PCBP3: variants seen among roughly 807,000 people sequenced by gnomAD.
PCBP3 encodes poly(rC)-binding protein 3.
PCBP3 carries 25 observed loss-of-function variants against 52.7 expected under a neutral mutation model. The ratio of observed to expected loss-of-function variants is 0.47; its 90% confidence interval spans 0.35 to 0.66. PCBP3 has a LOEUF of 0.66. PCBP3 is among the 30% of genes least tolerant of loss of function. The pLI is 0.01. For synonymous variants in PCBP3, 162 were observed against 183.0 expected, an observed-to-expected ratio of 0.89 and a Z score of 0.93; for missense variants, 391 against 490.3, an observed-to-expected ratio of 0.80 and a Z score of 1.91.
intron 1 of PCBP3, 90 bp from the exon 2 acceptor site, chr21:45,668,784 A>G (rs11911413): frequency 0.84 from 128,257 of 152,168 alleles, 54,635 homozygotes; most frequent in African/African-American, 0.96. Flanking sequence ...TTCTTACTTT[A>G]CTATTTTCAC....
chr21:45,669,801 GTGTGTATATATATATATA>G lies in PCBP3; in HGVS notation c.-200+851_-200+868del, dbSNP rs1243645817. On this transcript the variant is annotated intron_variant, in intron 2 of 17. Transcript: ENST00000681687. ...ATAATATTCCATTGTGTGTGTGTGT[GTGTGTATATATATATATA>G]TATATATATATATATATATATATAT... Among the ~76,000 whole-genome samples, 458 of 69,054 alleles carry G rather than the reference GTGTGTATATATATATATA, an allele frequency of 6.6e-3. 7 individuals are homozygous for G. Among genetic ancestry groups the G allele is most frequent in the African/African-American group, 0.025 (431 of 17,162 alleles). 45.3% of individuals were successfully genotyped at this position (69,054 alleles called of 152,430 possible).
chr21:45,802,517 G>T lies in PCBP3; in HGVS notation c.-126+47065G>T, dbSNP rs977716540. Among the ~76,000 whole-genome samples the T allele has an allele frequency of 6.6e-6, 1 of 152,216 alleles. No individual in the cohort carries two copies. On this transcript the variant is annotated intron_variant, in intron 4 of 17. Coordinates refer to ENST00000681687, the MANE Select transcript of PCBP3 (RefSeq NM_001384156.1). This position sits in a 1 kb window ranked among gnomAD's most constrained non-coding sequence, Gnocchi z 5.1. ...TGGCCCAGAGGGCTCTGCAGAGACG[G>T]CTCTGAGAGCAAAAGTGAGCCATGC...
chr21:45,671,271 C>T (rs138376991), intron 2 of PCBP3, among the ~76,000 whole-genome samples: 9 of 152,302 alleles, frequency 5.9e-5, no homozygotes, highest in Non-Finnish European at 1.0e-4. Flanking sequence ...CTCATCTCTC[C>T]AGGGACACAA....
At chr21:45,894,255 G>A (rs1393029097) in intron 5 of PCBP3, among the ~76,000 whole-genome samples, 1 of 152,198 alleles carries the variant, frequency 6.6e-6, no homozygotes, top group Non-Finnish European at 1.5e-5. Flanking sequence ...CTGACAGCCT[G>A]GAGCCCCAAG....
At chr21:45,892,917 A>C (rs1456549981) in intron 5 of PCBP3, among the ~76,000 whole-genome samples, 1 of 152,140 alleles carries the variant, frequency 6.6e-6, no homozygotes, top group Non-Finnish European at 1.5e-5. Context: ...TGTGAGCTGG[A>C]AATCAGCGCA....
chr21:45,929,958 C>G lies in PCBP3; in HGVS notation c.759C>G (p.Pro253=). Residue 253 remains proline, a synonymous_variant, in exon 14 of 18, where the codon CCC becomes CCG. Transcript: ENST00000681687. ...ACCAGTTGGCCATGCAGCAAACCCC[C>G]TTTCCTCCCCTCGGACAGACCAACC... The part of the protein sequence containing the change: ...KLHQLAMQQT[P]FPPLGQTNPA... 1 of 1,613,920 alleles carries G rather than the reference C, an allele frequency of 6.2e-7. No individual in the cohort carries two copies. The highest frequency in any genetic ancestry group is 8.5e-7 in the Non-Finnish European group (1 of 1,179,954).
Position 45,940,083 on chromosome 21 carries a change from G to A in PCBP3, c.963G>A (p.Gln321=). The change falls in exon 17 of 18, where the codon CAG becomes CAA. Residue 321 remains glutamine, a synonymous_variant. Transcript: ENST00000681687. ...GGACCAAAATCAATGAAATTCGACA[G>A]ATGTCTGGAGCTCAGATCAAAATCG... ...RQGTKINEIR[Q]MSGAQIKIAN... is the part of the protein sequence containing the mutation. 4 of 1,614,178 alleles carry A rather than the reference G, an allele frequency of 2.5e-6. No individual in the cohort carries two copies. The highest frequency in any genetic ancestry group is 3.4e-6 in the Non-Finnish European group (4 of 1,179,998).
intron 4 of PCBP3, chr21:45,836,490 G>T (rs572896232): frequency 6.6e-6 from 1 of 151,424 alleles, no homozygotes; most frequent in African/African-American, 2.4e-5. Context: ...TGTAAGTGCT[G>T]CCTGGTCTGG....
At chr21:45,931,226 G>A (rs2076134175) in intron 15 of PCBP3, among the ~76,000 whole-genome samples, 1 of 152,258 alleles carries the variant, frequency 6.6e-6, no homozygotes, top group African/African-American at 2.4e-5. Flanking sequence ...CAGATACTGT[G>A]GGGTAGCACA....
At chr21:45,869,784 C>T (rs1224495971) in intron 5 of PCBP3, among the ~76,000 whole-genome samples, 1 of 152,240 alleles carries the variant, frequency 6.6e-6, no homozygotes, top group Non-Finnish European at 1.5e-5. Context: ...CATGCCACCA[C>T]ACCTGGCACC....
At chr21:45,826,893 C>T (rs1490145292) in intron 4 of PCBP3, among the ~76,000 whole-genome samples, 1 of 152,196 alleles carries the variant, frequency 6.6e-6, no homozygotes. Context: ...AAAACTGTGG[C>T]CACAGCCTCC....
intron 4 of PCBP3, among the ~76,000 whole-genome samples, chr21:45,782,854 A>G (rs530277364): frequency 6.4e-4 from 98 of 152,366 alleles, no homozygotes; most frequent in African/African-American, 2.0e-3. Context: ...ATACGGCACA[A>G]TCTCGTGGTG....
chr21:45,921,142 C>G (rs996487465), intron 13 of PCBP3, among the ~76,000 whole-genome samples: 2 of 115,446 alleles, frequency 1.7e-5, no homozygotes, highest in Non-Finnish European at 4.4e-5. Flanking sequence ...TAACAATAGT[C>G]AGGAAGCAAT....
chr21:45,703,506 T>G (rs1398639999), intron 2 of PCBP3, among the ~76,000 whole-genome samples: 1 of 152,194 alleles, frequency 6.6e-6, no homozygotes, highest in African/African-American at 2.4e-5. Flanking sequence ...GAGGAACCTT[T>G]TTCTGGGGTA....
At chr21:45,752,701 T>C (rs2087633896) in intron 3 of PCBP3, 1 of 152,020 alleles carries the variant, frequency 6.6e-6, no homozygotes, top group African/African-American at 2.4e-5. Context: ...ATCTCTGTGT[T>C]TGCAGTCAAA....
intron 5 of PCBP3, among the ~76,000 whole-genome samples, chr21:45,855,007 C>G (rs536259506): frequency 6.6e-6 from 1 of 152,200 alleles, no homozygotes; most frequent in East Asian, 1.9e-4. Context: ...AGGAGCCTCT[C>G]GGAACAGCTC....
intron 11 of PCBP3, 30 bp from the exon 12 acceptor site, chr21:45,913,919 GCT>G: frequency 1.3e-6 from 2 of 1,587,406 alleles, no homozygotes; most frequent in Non-Finnish European, 8.6e-7. Flanking sequence ...CTGCTCTAAC[GCT>G]CTCTCTCCCT....
intron 2 of PCBP3, among the ~76,000 whole-genome samples, chr21:45,672,829 G>A (rs1232462695): frequency 6.6e-6 from 1 of 152,158 alleles, no homozygotes; most frequent in Non-Finnish European, 1.5e-5. Flanking sequence ...CCCGGATTGT[G>A]AGGCCCATAT....
intron 3 of PCBP3, among the ~76,000 whole-genome samples, chr21:45,739,586 GCC>G (rs398036502): frequency 3.6e-5 from 1 of 28,006 alleles, no homozygotes; most frequent in Non-Finnish European, 6.1e-5. Flanking sequence ...TCCTCTGGGT[GCC>G]CCCCCCCATC....
Sources: gnomAD v4.1 joint callset for allele counts (sites outside exome capture counted in the v4.1 genomes callset) on GRCh38, gnomAD v4.1.1 for gene constraint, Gnocchi (gnomAD v3.1) non-coding constraint, MANE v1.5 for transcripts, NCBI Gene and HGNC (gene_info 2026-07-23, HGNC 2026-07-21) for gene names.